PPFIA2: variants seen among roughly 807,000 people sequenced by gnomAD.
The protein encoded by PPFIA2 is liprin-alpha-2.
PPFIA2 carries 46 observed loss-of-function variants against 175.5 expected under a neutral mutation model. The ratio of observed to expected loss-of-function variants is 0.26; its 90% confidence interval spans 0.21 to 0.34. The LOEUF is 0.34. Ranked by LOEUF, PPFIA2 falls within the 10% of genes least tolerant of loss-of-function variation. The pLI is 1.00. For missense variants in PPFIA2, 1,179 were observed against 1,506.1 expected (o/e 0.78, Z 3.60); for synonymous variants, 568 against 511.4 (o/e 1.11, Z -1.49).
At chr12:81,605,650 GCTATCTATCTAT>G (rs10595723) in intron 4 of PPFIA2, among the ~76,000 whole-genome samples, 69 of 143,896 alleles carry the variant, frequency 4.8e-4, no homozygotes, top group African/African-American at 1.0e-3. Flanking sequence ...CATCCATCCA[GCTATCTATCTAT>G]CTATCTATCT....
intron 4 of PPFIA2, among the ~76,000 whole-genome samples, chr12:81,511,174 G>A (rs991021997): frequency 3.9e-5 from 6 of 151,904 alleles, no homozygotes; most frequent in African/African-American, 1.5e-4. Flanking sequence ...AAAAATATTG[G>A]GTCAATTTTG....
intron 3 of PPFIA2, among the ~76,000 whole-genome samples, chr12:81,701,798 C>T (rs185134495): frequency 6.6e-6 from 1 of 150,860 alleles, no homozygotes; most frequent in Non-Finnish European, 1.5e-5. Context: ...ACAAATAAAG[C>T]TTATTATTTG....
Position 81,358,109 on chromosome 12 carries a change from G to A in PPFIA2, c.1746C>T (p.Arg582=), listed in dbSNP as rs771084249. 6.9e-6 allele frequency: 11 copies of A among 1,605,836 alleles called. No homozygotes were observed. The highest frequency in any genetic ancestry group is 1.3e-5 in the African/African-American group (1 of 74,818). ...TTGGCTCATCTCTTCGCACACCCATGCGGCCTCTCCTTGGTCTTCTTATTA... is the reference window on the plus strand; with the variant it reads ...TTGGCTCATCTCTTCGCACACCCATACGGCCTCTCCTTGGTCTTCTTATTA... ...TKVIRRPRRG[R]MGVRRDEPKV... Residue 582 remains arginine (R), a synonymous_variant, in exon 16 of 33, where the codon CGC becomes CGT. Coordinates refer to ENST00000549396, the MANE Select transcript of PPFIA2 (RefSeq NM_003625.5).
chr12:81,606,373 T>C (rs1195824984), intron 4 of PPFIA2, among the ~76,000 whole-genome samples: 4 of 152,030 alleles, frequency 2.6e-5, no homozygotes, highest in Admixed American at 1.3e-4. Context: ...AGCTCTGTTT[T>C]AAGTTATTTG....
rs17008530 is a variant in PPFIA2 at position 81,424,603 on chromosome 12, T to C, written c.645+15369A>G. 2.9e-3 allele frequency among the ~76,000 whole-genome samples: 443 copies of C among 152,320 alleles called. 6 individuals carry two copies. The highest frequency in any genetic ancestry group is 9.9e-3 in the African/African-American group (412 of 41,580). ...TATTCATTCTCACATTCTTTAGCAA[T>C]AGAACTTTTGTATATGGCCATGAAA... On this transcript the variant is annotated intron_variant, in intron 7 of 32. Coordinates refer to ENST00000549396, the MANE Select transcript of PPFIA2 (RefSeq NM_003625.5).
chr12:81,564,604 G>A (rs977754353), intron 4 of PPFIA2, among the ~76,000 whole-genome samples: 4 of 152,156 alleles, frequency 2.6e-5, no homozygotes, highest in African/African-American at 9.7e-5. Flanking sequence ...GGTGTGAACT[G>A]TTTAGAGAGT....
intron 6 of PPFIA2, among the ~76,000 whole-genome samples, 169 bp from the exon 7 acceptor site, chr12:81,440,215 G>A (rs952520124): frequency 6.6e-6 from 1 of 152,222 alleles, no homozygotes; most frequent in African/African-American, 2.4e-5. Context: ...TGAATGCATT[G>A]TCACCTCGTA....
At chr12:81,445,972 T>C (rs1174295306) in intron 5 of PPFIA2, among the ~76,000 whole-genome samples, 1 of 152,200 alleles carries the variant, frequency 6.6e-6, no homozygotes, top group East Asian at 1.9e-4. Flanking sequence ...TGCAGTCCTT[T>C]AGCAAATGTA....
intron 7 of PPFIA2, chr12:81,430,327 A>C (rs1332511369): frequency 6.6e-6 from 1 of 152,130 alleles, no homozygotes; most frequent in Admixed American, 6.6e-5. Context: ...ATTTCTCAAA[A>C]GAGTATTACC....
At chr12:81,361,693 A>T (rs955162013) in intron 15 of PPFIA2, among the ~76,000 whole-genome samples, 1 of 151,570 alleles carries the variant, frequency 6.6e-6, no homozygotes, top group Non-Finnish European at 1.5e-5. Flanking sequence ...AGAGCATACT[A>T]TATGCAAGAT....
rs1178339189 is a variant in PPFIA2, at chr12:81,346,768, T to G, written c.2232+765A>C. On this transcript the variant is annotated intron_variant, in intron 18 of 32. Transcript: ENST00000549396. ...AAATTTATGTTATATATTGAAAAGTTATAAAACTCTATCTTGGTGTATTGA... is the reference window on the plus strand; with the variant it reads ...AAATTTATGTTATATATTGAAAAGTGATAAAACTCTATCTTGGTGTATTGA... Among the ~76,000 whole-genome samples, 3 of 152,054 alleles carry G rather than the reference T, an allele frequency of 2.0e-5. No homozygotes were observed. The East Asian group carries it at 5.8e-4, about 29-fold the overall frequency.
chr12:81,715,832 AAATT>A (rs2078541602), intron 3 of PPFIA2, among the ~76,000 whole-genome samples: 1 of 151,740 alleles, frequency 6.6e-6, no homozygotes. Flanking sequence ...TTACTATTAA[AAATT>A]AAATAATTAA....
chr12:81,626,181 A>G (rs181009162), intron 4 of PPFIA2, among the ~76,000 whole-genome samples: 20 of 151,966 alleles, frequency 1.3e-4, no homozygotes, highest in Non-Finnish European at 2.5e-4. Context: ...TTAAAGGAAC[A>G]TCAAACTACG....
At chr12:81,282,773 G>T (rs1036634305) in intron 26 of PPFIA2, 1 of 327,050 alleles carries the variant, frequency 3.1e-6, no homozygotes, top group Non-Finnish European at 5.6e-6. Context: ...GAGAAAGAAA[G>T]AAAAGTACCC....
intron 4 of PPFIA2, among the ~76,000 whole-genome samples, chr12:81,650,241 C>A (rs763180741): frequency 6.6e-6 from 1 of 152,000 alleles, no homozygotes; most frequent in Non-Finnish European, 1.5e-5. Flanking sequence ...GATCTCCTGA[C>A]CTCGTGATCT....
Position 81,259,622 on chromosome 12 carries a change from G to C in PPFIA2, c.*72C>G. On this transcript the variant is annotated 3_prime_UTR_variant, in exon 33 of 33. Transcript: ENST00000549396. ...TTTTCACTGCTCGTCTTCTTAGATG[G>C]TAGTGCACTTTAGGTAGAGTAGACT... 6.5e-7 allele frequency: 1 copy of C among 1,531,862 alleles called. No homozygotes were observed. The highest frequency in any genetic ancestry group is 8.7e-7 in the Non-Finnish European group (1 of 1,143,318). 94.9% of individuals were successfully genotyped at this position (1,531,862 alleles called of 1,614,324 possible). A position where few individuals can be genotyped will look rare whatever the true frequency, so the allele number is the denominator to read the frequency against.
chr12:81,572,594 T>C (rs968812948), intron 4 of PPFIA2, among the ~76,000 whole-genome samples: 5 of 152,026 alleles, frequency 3.3e-5, no homozygotes, highest in African/African-American at 9.7e-5. Flanking sequence ...CTTTATCTAT[T>C]TGCCTGTGTC....
chr12:81,709,906 T>G (rs2077672905), intron 3 of PPFIA2, among the ~76,000 whole-genome samples: 1 of 152,070 alleles, frequency 6.6e-6, no homozygotes, highest in Non-Finnish European at 1.5e-5. Context: ...TGGCTCATAT[T>G]GCCATACTGT....
intron 15 of PPFIA2, among the ~76,000 whole-genome samples, chr12:81,359,379 A>T (rs147579312): frequency 4.0e-5 from 6 of 151,600 alleles, no homozygotes; most frequent in African/African-American, 1.4e-4. Flanking sequence ...GGTGACAGCT[A>T]TTGTTTTTGT....
Sources: gnomAD v4.1 joint callset for allele counts (sites outside exome capture counted in the v4.1 genomes callset) on GRCh38, gnomAD v4.1.1 for gene constraint, MANE v1.5 for transcripts, NCBI Gene and HGNC (gene_info 2026-07-23, HGNC 2026-07-21) for gene names.